The following RANBP2 variants were observed in gnomAD, a reference collection of about 807,000 sequenced individuals.
RANBP2 encodes the protein RAN binding protein 2, also known as E3 SUMO-protein ligase RanBP2.
RANBP2 carries 57 observed loss-of-function variants against 303.6 expected under a neutral mutation model. The observed-to-expected ratio is 0.19, with a 90% CI of 0.15 to 0.23. The LOEUF is 0.23. Among genes scored for constraint, RANBP2 ranks in the 10% least tolerant of loss-of-function variants. The pLI, the probability that RANBP2 is intolerant of heterozygous loss-of-function variation, is 1.00. For synonymous variants in RANBP2, 1,167 were observed against 1,301.5 expected (o/e 0.90, Z 2.23); for missense variants, 3,138 against 3,780.8 (o/e 0.83, Z 4.46).
At chr2:109,575,486 C>T in the RANBP2 span, among the ~76,000 whole-genome samples, 3 of 152,216 alleles carry the variant, frequency 2.0e-5, no homozygotes, top group South Asian at 2.1e-4. Context: ...TAACTCCTCC[C>T]TGGAAATGCA....
At chr2:109,378,052 C>T in the RANBP2 span, among the ~76,000 whole-genome samples, 1 of 152,226 alleles carries the variant, frequency 6.6e-6, no homozygotes, top group Non-Finnish European at 1.5e-5. Context: ...GGGTTTTCGG[C>T]CCTTGCCTGG....
the RANBP2 span, among the ~76,000 whole-genome samples, chr2:109,428,726 G>A: frequency 3.9e-5 from 6 of 152,338 alleles, no homozygotes; most frequent in East Asian, 1.9e-4. Flanking sequence ...GTGAGAATCC[G>A]CAGAGGTGAT....
chr2:109,608,514 A>G, the RANBP2 span, among the ~76,000 whole-genome samples: 1 of 152,226 alleles, frequency 6.6e-6, no homozygotes, highest in Admixed American at 6.5e-5. Flanking sequence ...TTCCTTGGTC[A>G]TATGATCTTA....
the RANBP2 span, among the ~76,000 whole-genome samples, chr2:109,411,419 G>T: frequency 6.6e-6 from 1 of 152,176 alleles, no homozygotes; most frequent in South Asian, 2.1e-4. Context: ...ATTCTGTACA[G>T]CTGGGCCTGT....
chr2:108,786,741 C>G (rs1223347771), downstream of RANBP2: 42 of 1,305,806 alleles, frequency 3.2e-5, no homozygotes, highest in Non-Finnish European at 4.3e-5. Context: ...GGGTCTGGCA[C>G]GTCGTGACGC....
chr2:109,328,088 A>G, the RANBP2 span, among the ~76,000 whole-genome samples: 9 of 152,268 alleles, frequency 5.9e-5, no homozygotes, highest in East Asian at 3.9e-4. Context: ...TTATCCTTCA[A>G]TATTTCAGTA....
the RANBP2 span, among the ~76,000 whole-genome samples, chr2:109,288,969 G>A: frequency 7.2e-5 from 11 of 152,154 alleles, no homozygotes; most frequent in African/African-American, 2.7e-4. Context: ...TTATTTGTGG[G>A]CTTATCAAGG....
At chr2:109,392,005 T>C in the RANBP2 span, among the ~76,000 whole-genome samples, 3 of 152,044 alleles carry the variant, frequency 2.0e-5, no homozygotes, top group African/African-American at 7.2e-5. Context: ...TTACAGAGAC[T>C]GGGTCTCACT....
chr2:109,296,541 C>T, the RANBP2 span, among the ~76,000 whole-genome samples: 1 of 152,278 alleles, frequency 6.6e-6, no homozygotes, highest in South Asian at 2.1e-4. Flanking sequence ...TGTGCCCAGC[C>T]TTCAGAATGA....
At chr2:109,537,310 CGAT>C in the RANBP2 span, among the ~76,000 whole-genome samples, 9 of 152,174 alleles carry the variant, frequency 5.9e-5, no homozygotes, top group Admixed American at 2.0e-4. Flanking sequence ...ATGGGGATGA[CGAT>C]GATTTTCCCT....
chr2:109,523,048 C>T, the RANBP2 span, among the ~76,000 whole-genome samples: 1 of 152,142 alleles, frequency 6.6e-6, no homozygotes, highest in South Asian at 2.1e-4. Flanking sequence ...CTGGTCTACC[C>T]CTCGGAGTCT....
chr2:109,028,843 G>A, the RANBP2 span, among the ~76,000 whole-genome samples: 3 of 152,204 alleles, frequency 2.0e-5, no homozygotes, highest in Non-Finnish European at 4.4e-5. Flanking sequence ...CACACTCTCA[G>A]GATCTGTGTG....
chr2:109,538,893 CTG>C, the RANBP2 span, among the ~76,000 whole-genome samples: 1 of 152,244 alleles, frequency 6.6e-6, no homozygotes, highest in Non-Finnish European at 1.5e-5. Flanking sequence ...GTCATTTCCT[CTG>C]TATTTTCAAA....
At chr2:108,799,789 A>G in the RANBP2 span, among the ~76,000 whole-genome samples, 3 of 152,188 alleles carry the variant, frequency 2.0e-5, no homozygotes, top group Non-Finnish European at 4.4e-5. Flanking sequence ...AAGATTTCTG[A>G]GGCTCCATTC....
the RANBP2 span, among the ~76,000 whole-genome samples, chr2:109,234,372 C>T: frequency 3.9e-5 from 6 of 152,186 alleles, no homozygotes; most frequent in Non-Finnish European, 5.9e-5. Flanking sequence ...AAACATAAGG[C>T]CCTTAAGGGG....
chr2:109,197,170 G>C, the RANBP2 span, among the ~76,000 whole-genome samples: 1 of 152,154 alleles, frequency 6.6e-6, no homozygotes, highest in Admixed American at 6.5e-5. Context: ...GCAGCCCTGC[G>C]GCCCAGGAAG....
chr2:109,438,700 T>C, the RANBP2 span, among the ~76,000 whole-genome samples: 1 of 152,084 alleles, frequency 6.6e-6, no homozygotes. Flanking sequence ...TTCAGCATGG[T>C]TTACGTGGAT....
the RANBP2 span, among the ~76,000 whole-genome samples, chr2:109,046,605 C>G: frequency 6.6e-6 from 1 of 151,962 alleles, no homozygotes; most frequent in Non-Finnish European, 1.5e-5. Flanking sequence ...GTCTCAAACT[C>G]CTGACCTCAA....
the RANBP2 span, among the ~76,000 whole-genome samples, chr2:109,282,317 A>G: frequency 6.6e-6 from 1 of 152,196 alleles, no homozygotes; most frequent in Middle Eastern, 3.4e-3. Flanking sequence ...TAATTGGTGC[A>G]AGTTGTCTGC....
Sources: allele counts gnomAD v4.1 joint callset (sites outside exome capture counted in the v4.1 genomes callset), GRCh38; gene constraint gnomAD v4.1.1; transcripts MANE v1.5; gene names NCBI Gene and HGNC (gene_info 2026-07-23, HGNC 2026-07-21).